TTN: variants seen among roughly 807,000 people sequenced by gnomAD.
TTN encodes titin, also known as connectin.
In TTN, 1,525 loss-of-function variants were observed where a neutral mutation model predicts 3,223.0. That is an observed-to-expected ratio of 0.47 (90% CI 0.45 to 0.49). TTN has a LOEUF of 0.49. Among genes scored for constraint, TTN ranks in the 20% least tolerant of loss-of-function variants. The pLI is 0.00. For synonymous variants in TTN, 14,094 were observed against 15,161.0 expected, an observed-to-expected ratio of 0.93 and a Z score of 5.17; for missense variants, 40,786 against 43,424.0, an observed-to-expected ratio of 0.94 and a Z score of 5.40.
At chr2:178,554,318 T>G in intron 332 of TTN, 102 bp from the exon 333 acceptor site, 2 of 1,452,584 alleles carry the variant, frequency 1.4e-6, no homozygotes, top group Non-Finnish European at 1.9e-6. Flanking sequence ...TTTTATTTTT[T>G]ATATTTTTCA....
chr2:178,756,760 T>TA lies in TTN; in HGVS notation c.10715dup (p.Arg3573LysfsTer27). ...CTGCCTGGGACTTGGTGGACTCTCT[T>TA]ACATCTTTCCCAGAACTTTGCCTAT... On this transcript the variant is annotated frameshift_variant, in exon 46 of 363. Coordinates refer to ENST00000589042, the MANE Select transcript of TTN (RefSeq NM_001267550.2). LOFTEE classifies it high-confidence loss of function. The TA allele has an allele frequency of 6.2e-7, 1 of 1,613,834 alleles. No homozygotes were observed. Among genetic ancestry groups the TA allele is most frequent in the East Asian group, 2.2e-5 (1 of 44,846 alleles).
In TTN at chr2:178,609,212, C is replaced by T. The variant is rs727503617; in HGVS notation, c.52098G>A (p.Val17366=). 4 of 1,509,068 alleles carry T rather than the reference C, an allele frequency of 2.7e-6. No individual in the cohort carries two copies. Among genetic ancestry groups the T allele is most frequent in the Non-Finnish European group, 3.5e-6 (4 of 1,134,428 alleles). 93.5% of individuals were successfully genotyped at this position (1,509,068 alleles called of 1,614,324 possible). Reference sequence around the variant, plus strand: ...AGTGTAGTTTTAATGACTCACCTAACACACTGACAGTACAAGGAGCTTTTG... The same window carrying T: ...AGTGTAGTTTTAATGACTCACCTAATACACTGACAGTACAAGGAGCTTTTG... ...GIAKAPCTVS[V]LDTPGPPINF... The change falls in exon 273 of 363, where the codon GTG becomes GTA. Residue 17366 remains valine (V), a synonymous_variant. Transcript: ENST00000589042.
rs2067119213 is a variant in TTN, at chr2:178,672,194, T to C, written c.35004A>G (p.Leu11668=). The change falls in exon 155 of 363, where the codon TTA becomes TTG. Residue 11668 remains leucine (L), a synonymous_variant. Transcript: ENST00000589042. ...QEVVVKERLE[L]EVVEAEVEEI... ...CTTCCACTTCTGCTTCTACTACTTCTAATTCTAGTCTTTCTTTTACTACTA... is the reference window on the plus strand; with the variant it reads ...CTTCCACTTCTGCTTCTACTACTTCCAATTCTAGTCTTTCTTTTACTACTA... 3.2e-6 allele frequency: 5 copies of C among 1,570,882 alleles called. No individual in the cohort carries two copies. In the African/African-American group the frequency reaches 4.1e-5, roughly 13 times the overall value.
chr2:178,623,485 A>T (rs932148976), intron 242 of TTN, among the ~76,000 whole-genome samples: 5 of 151,900 alleles, frequency 3.3e-5, no homozygotes, highest in Non-Finnish European at 7.4e-5. Context: ...CCTTCCCAAG[A>T]TGACCATTCT....
In TTN at chr2:178,535,637, C is replaced by G; in HGVS notation, c.100978G>C (p.Glu33660Gln). The change falls in exon 358 of 363, where the codon GAG (glutamate) becomes CAG (glutamine). Residue 33660 changes from glutamate to glutamine, a missense_variant. Physicochemically the swap from Glu to Gln is conservative, Grantham distance 29 (BLOSUM62 2). Coordinates refer to ENST00000589042, the MANE Select transcript of TTN (RefSeq NM_001267550.2). ...ACATAGAAACCAGCATCTTTTCTCT[C>G]TACCCCATTGGGGAAAACAAGTGAT... ...FTSLVFPNGV[E>Q]RKDAGFYVVC... 1 of 1,613,844 alleles carries G rather than the reference C, an allele frequency of 6.2e-7. No homozygotes were observed. The highest frequency in any genetic ancestry group is 1.7e-5 in the Admixed American group (1 of 60,010).
At chr2:178,748,771 A>C in intron 47 of TTN, 1 of 1,612,434 alleles carries the variant, frequency 6.2e-7, no homozygotes, top group African/African-American at 1.3e-5. Context: ...CTTGTGCGTC[A>C]AATTCTTTAT....
At chr2:178,744,727 A>G in intron 47 of TTN, 1 of 983,538 alleles carries the variant, frequency 1.0e-6, no homozygotes. Flanking sequence ...ATCAGAATAC[A>G]GTTTTAAAAT....
intron 312 of TTN, 154 bp downstream of exon 312, chr2:178,583,453 T>G: frequency 1.1e-6 from 1 of 933,682 alleles, no homozygotes; most frequent in Non-Finnish European, 1.5e-6. Context: ...AGCATGTTAT[T>G]ATGATTCTCC....
At chr2:178,637,291 T>A (rs1426869399) in intron 224 of TTN, 78 bp downstream of exon 224, 3 of 1,056,602 alleles carry the variant, frequency 2.8e-6, no homozygotes, top group Non-Finnish European at 3.9e-6. Context: ...AATTTTGAAA[T>A]TTTTTTCCCC....
intron 47 of TTN, among the ~76,000 whole-genome samples, chr2:178,752,204 C>A (rs1445349478): frequency 6.6e-6 from 1 of 151,984 alleles, no homozygotes; most frequent in African/African-American, 2.4e-5. Flanking sequence ...CAACACCATG[C>A]TCTGTTTAAA....
Position 178,559,939 on chromosome 2 carries a change from A to T in TTN, c.86193T>A (p.Val28731=), listed in dbSNP as rs1397553379. Residue 28731 remains valine (V), a synonymous_variant, in exon 326 of 363, where the codon GTT becomes GTA. Coordinates refer to ENST00000589042, the MANE Select transcript of TTN (RefSeq NM_001267550.2). ...YVFRVKSVNK[V]GASDPSDSSD... is the part of the protein sequence containing the mutation. ...AGCTATCACTGGGGTCACTAGCACC[A>T]ACCTTATTGACAGATTTTACTCTGA... The T allele has an allele frequency of 1.2e-6, 2 of 1,613,836 alleles. No individual in the cohort carries two copies. Among genetic ancestry groups the T allele is most frequent in the South Asian group, 1.1e-5 (1 of 91,074 alleles).
Position 178,757,760 on chromosome 2 carries a change from C to T in TTN, c.10460G>A (p.Arg3487Lys), listed in dbSNP as rs531271853. 1 of 1,613,776 alleles carries T rather than the reference C, an allele frequency of 6.2e-7. No individual in the cohort carries two copies. Among genetic ancestry groups the T allele is most frequent in the South Asian group, 1.1e-5 (1 of 91,078 alleles). ...TTCTGGCTTGGGAATGCCAGAAACC[C>T]TCGCATGAAATCTGACTGTCTCCCC... is the stretch of plus-strand genomic sequence containing the variant. Reference protein sequence around the residue: ...HNGETVRFHARVSGIPKPEIQ... With the variant: ...HNGETVRFHAKVSGIPKPEIQ... The change falls in exon 45 of 363, where the codon AGG becomes AAG. Residue 3487 changes from arginine (R) to lysine (K), a missense_variant. By Grantham distance (26) the Arg-to-Lys change is conservative (BLOSUM62 2). Transcript: ENST00000589042.
At position 178,569,946 on chromosome 2, in the gene TTN, A is replaced by C. The variant is rs771853872; in HGVS notation, c.76186T>G (p.Tyr25396Asp). ...GLSEPSPPSA[Y>D]QKACDPIYKP... ...TAAATAGGATCACAAGCCTTTTGGTAAGCAGAAGGAGGGCTTGGTTCACTA... is the reference window on the plus strand; with the variant it reads ...TAAATAGGATCACAAGCCTTTTGGTCAGCAGAAGGAGGGCTTGGTTCACTA... Residue 25396 changes from tyrosine to aspartate, a missense_variant, in exon 326 of 363, where the codon TAC becomes GAC. Transcript: ENST00000589042. The C allele has an allele frequency of 6.2e-7, 1 of 1,612,732 alleles. No individual in the cohort carries two copies. The highest frequency in any genetic ancestry group is 8.5e-7 in the Non-Finnish European group (1 of 1,179,234).
chr2:178,607,813 T>C lies in TTN; in HGVS notation c.52974A>G (p.Thr17658=). The part of the protein sequence containing the change: ...NAAGEGPPGE[T]QPVTVAEPQE... ...GTGGTTCAGCCACAGTAACAGGTTG[T>C]GTTTCTCCAGGCGGTCCTTCCCCTG... The change falls in exon 276 of 363, where the codon ACA becomes ACG. Residue 17658 remains threonine (T), a synonymous_variant. Coordinates refer to ENST00000589042, the MANE Select transcript of TTN (RefSeq NM_001267550.2). 6.2e-7 allele frequency: 1 copy of C among 1,613,024 alleles called. No homozygotes were observed. The highest frequency in any genetic ancestry group is 2.2e-5 in the East Asian group (1 of 44,684).
In TTN at chr2:178,577,002, G is replaced by A; in HGVS notation, c.69333C>T (p.Ile23111=). ...ATKLIQGNEY[I]FRVSAVNHYG... is the part of the protein sequence containing the mutation. The stretch of plus-strand genomic sequence containing the variant: ...AGTGGTTTACAGCTGAGACCCGGAA[G>A]ATGTACTCATTTCCTTGGATAAGTT... The change falls in exon 324 of 363, where the codon ATC becomes ATT. Residue 23111 remains isoleucine, a synonymous_variant. Transcript: ENST00000589042. The A allele has an allele frequency of 6.2e-7, 1 of 1,613,498 alleles. No homozygotes were observed. The highest frequency in any genetic ancestry group is 1.7e-5 in the Admixed American group (1 of 59,998).
chr2:178,755,898 C>A (rs1020589327), intron 46 of TTN, among the ~76,000 whole-genome samples: 1 of 152,180 alleles, frequency 6.6e-6, no homozygotes, highest in South Asian at 2.1e-4. Flanking sequence ...CCAATAAGTA[C>A]TTCTCAGAAT....
In TTN at chr2:178,777,027, C is replaced by T. The variant is rs757349504; in HGVS notation, c.4837G>A (p.Ala1613Thr). Residue 1613 changes from alanine (A) to threonine (T), a missense_variant, in exon 28 of 363, where the codon GCT (alanine) becomes ACT (threonine). By Grantham distance (58) the Ala-to-Thr change is moderately conservative. Transcript: ENST00000589042. ...ACAGTGGAATCGATTTTAAGGGCAG[C>T]TTCTCCCTTGGTTCCTTCAATTCTA... ...KIRIEGTKGEAALKIDSTVSQ... is the reference protein window; with the variant it reads ...KIRIEGTKGETALKIDSTVSQ... The T allele has an allele frequency of 8.1e-6, 13 of 1,614,016 alleles. No homozygotes were observed. Among genetic ancestry groups the T allele is most frequent in the East Asian group, 4.5e-5 (2 of 44,854 alleles).
chr2:178,753,053 A>AT, intron 47 of TTN, 71 bp downstream of exon 47: 1 of 1,293,308 alleles, frequency 7.7e-7, no homozygotes, highest in Admixed American at 1.8e-5. Flanking sequence ...ACTAAGAGAA[A>AT]GAAGGCAACT....
chr2:178,533,806 T>G lies in TTN; in HGVS notation c.102809A>C (p.Tyr34270Ser), dbSNP rs773071400. 1.2e-6 allele frequency: 2 copies of G among 1,614,032 alleles called. No homozygotes were observed. The highest frequency in any genetic ancestry group is 3.3e-5 in the Admixed American group (2 of 60,026). ...TCCAAACCGGACATTTTCACCTACA[T>G]AAGCTGTCTTATTATAGAGAGGCAG... is the stretch of plus-strand genomic sequence containing the variant. ...FTLPLYNKTAYVGENVRFGVT... is the reference protein window; with the variant it reads ...FTLPLYNKTASVGENVRFGVT... The change falls in exon 358 of 363, where the codon TAT becomes TCT. Residue 34270 changes from tyrosine (Y) to serine (S), a missense_variant. Coordinates refer to ENST00000589042, the MANE Select transcript of TTN (RefSeq NM_001267550.2).
Sources: gnomAD v4.1 joint callset for allele counts (sites outside exome capture counted in the v4.1 genomes callset) on GRCh38, gnomAD v4.1.1 for gene constraint, MANE v1.5 for transcripts, NCBI Gene and HGNC (gene_info 2026-07-23, HGNC 2026-07-21) for gene names.